RNF144B: variants seen among roughly 807,000 people sequenced by gnomAD.
RNF144B encodes E3 ubiquitin-protein ligase RNF144B.
In RNF144B, 25 loss-of-function variants were observed where a neutral mutation model predicts 40.2. The observed-to-expected ratio is 0.62, with a 90% CI of 0.45 to 0.87. The LOEUF (loss-of-function observed/expected upper bound fraction) is 0.87, where lower values mean the gene tolerates loss of function less well. RNF144B is among the 40% of genes least tolerant of loss of function. The probability of loss-of-function intolerance (pLI) is 0.00; values close to 1 mark genes in which losing one functional copy is unlikely to be tolerated. For missense variants in RNF144B, 365 were observed against 373.7 expected (o/e 0.98, Z 0.19); for synonymous variants, 145 against 136.3 (o/e 1.06, Z -0.44).
chr6:18,432,563 C>G (rs1758717960), intron 3 of RNF144B, among the ~76,000 whole-genome samples: 1 of 152,202 alleles, frequency 6.6e-6, no homozygotes, highest in East Asian at 1.9e-4. Context: ...AGGCGAAGCC[C>G]TTGCTTGAAG....
intron 4 of RNF144B, 110 bp downstream of exon 4, chr6:18,439,854 A>G (rs1758918920): frequency 1.5e-6 from 1 of 668,732 alleles, no homozygotes; most frequent in South Asian, 1.9e-5. Flanking sequence ...CAAAGCCTCA[A>G]GGGTACTCTA....
chr6:18,387,635 G>T lies in RNF144B; in HGVS notation c.-37+5G>T, dbSNP rs1481209797. ...GGAACGCAGGTCTGCTGCCAGGTAG[G>T]TTTAGCGAGCTTTTTAAAGGCTACA... On this transcript the variant is annotated splice_donor_5th_base_variant and intron_variant, in intron 1 of 7. Coordinates refer to ENST00000259939, the MANE Select transcript of RNF144B (RefSeq NM_182757.4). 1.5e-6 allele frequency: 2 copies of T among 1,298,930 alleles called. No homozygotes were observed. Among genetic ancestry groups the T allele is most frequent in the Non-Finnish European group, 2.0e-6 (2 of 994,124 alleles). The allele number at this position is 1,298,930 out of a possible 1,614,324, so 80.5% of individuals were successfully genotyped here. A position where few individuals can be genotyped will look rare whatever the true frequency, so the allele number is the denominator to read the frequency against.
rs1257686541 is a variant in RNF144B, at chr6:18,416,925, A to AT, written c.166-10655dup. Among the ~76,000 whole-genome samples, 1 of 152,206 alleles carries AT rather than the reference A, an allele frequency of 6.6e-6. No individual in the cohort carries two copies. The highest frequency in any genetic ancestry group is 2.4e-5 in the African/African-American group (1 of 41,456). ...TAACAGTTCAGCAAGGTGGCAGAAT[A>AT]TAAGATCAATGTACAGAATCAATTG... On this transcript the variant is annotated intron_variant, in intron 2 of 7. Coordinates refer to ENST00000259939, the MANE Select transcript of RNF144B (RefSeq NM_182757.4). This position sits in a 1 kb window ranked among gnomAD's most constrained non-coding sequence, Gnocchi z 5.5.
In RNF144B at chr6:18,466,793, A is replaced by G. The variant is rs940823529; in HGVS notation, c.*1726A>G. 1 of 152,682 alleles carries G rather than the reference A, an allele frequency of 6.5e-6. No homozygotes were observed. The highest frequency in any genetic ancestry group is 1.5e-5 in the Non-Finnish European group (1 of 68,050). The allele number at this position is 152,682 out of a possible 1,614,324, so 9.5% of individuals were successfully genotyped here. ...TCCTAAGTGGGGATGTGTATATTTC[A>G]GGAACTTTAATTCACAAGTATATAT... On this transcript the variant is annotated 3_prime_UTR_variant, in exon 8 of 8. Transcript: ENST00000259939.
At chr6:18,404,277 G>A (rs1794850418) in intron 2 of RNF144B, among the ~76,000 whole-genome samples, 1 of 152,184 alleles carries the variant, frequency 6.6e-6, no homozygotes, top group Non-Finnish European at 1.5e-5. Flanking sequence ...CTCCCTTGCA[G>A]TATAGCATAG....
chr6:18,439,757 C>CT lies in RNF144B; in HGVS notation c.331+20dup, dbSNP rs1279031272. On this transcript the variant is annotated intron_variant, in intron 4 of 7. Coordinates refer to ENST00000259939, the MANE Select transcript of RNF144B (RefSeq NM_182757.4). ...AAATTTGAAAGAGGTATGAACTCTT[C>CT]TTTTTTTCCTGATGATGAATGTGGT... 8 of 1,559,924 alleles carry CT rather than the reference C, an allele frequency of 5.1e-6. No individual in the cohort carries two copies. Among genetic ancestry groups the CT allele is most frequent in the South Asian group, 1.1e-5 (1 of 89,914 alleles).
At position 18,398,025 on chromosome 6, in the gene RNF144B, T is replaced by G. The variant is rs1022353492; in HGVS notation, c.-36-1474T>G. ...TCGGGAGGTGGAGTCGGGAGGGTCA[T>G]GTCAGTCCAGGAGTTCGAGGCTGCA... On this transcript the variant is annotated intron_variant, in intron 1 of 7. Coordinates refer to ENST00000259939, the MANE Select transcript of RNF144B (RefSeq NM_182757.4). The surrounding 1 kb of genome is among the most constrained non-coding windows in gnomAD (Gnocchi z 5.0). Among the ~76,000 whole-genome samples the G allele has an allele frequency of 1.3e-5, 2 of 151,964 alleles. No individual in the cohort carries two copies. The highest frequency in any genetic ancestry group is 4.8e-5 in the African/African-American group (2 of 41,362).
rs550081317 is a variant in RNF144B, at chr6:18,410,030, C to G, written c.165+10331C>G. Among the ~76,000 whole-genome samples, 7 of 152,060 alleles carry G rather than the reference C, an allele frequency of 4.6e-5. No individual in the cohort carries two copies. Among genetic ancestry groups the G allele is most frequent in the Non-Finnish European group, 1.0e-4 (7 of 68,012 alleles). The stretch of plus-strand genomic sequence containing the variant: ...GATCTGTGCTTGTATGTTGTGTAGA[C>G]TTTTCCCCCCTTAAGCATGCCTTTG... On this transcript the variant is annotated intron_variant, in intron 2 of 7. Transcript: ENST00000259939. This position sits in a 1 kb window ranked among gnomAD's most constrained non-coding sequence, Gnocchi z 4.6.
chr6:18,402,344 G>GA lies in RNF144B; in HGVS notation c.165+2646dup, dbSNP rs1250843821. On this transcript the variant is annotated intron_variant, in intron 2 of 7. Coordinates refer to ENST00000259939, the MANE Select transcript of RNF144B (RefSeq NM_182757.4). Reference sequence around the variant, plus strand: ...ATACTCTGGGTATGCAGAAGGGACAGATGTGGAGTATCTGACTTGACCATT... The same window carrying GA: ...ATACTCTGGGTATGCAGAAGGGACAGAATGTGGAGTATCTGACTTGACCATT... 4.5e-5 allele frequency among the ~76,000 whole-genome samples: 4 copies of GA among 88,166 alleles called. 2 individuals carry two copies. The highest frequency in any genetic ancestry group is 1.1e-4 in the Non-Finnish European group (4 of 37,428). The allele number at this position is 88,166 out of a possible 152,430, so 57.8% of individuals were successfully genotyped here.
rs1758985261 is a variant in RNF144B, at chr6:18,442,444, A to G, written c.331+2700A>G. 6.6e-6 allele frequency among the ~76,000 whole-genome samples: 1 copy of G among 152,226 alleles called. No homozygotes were observed. Among genetic ancestry groups the G allele is most frequent in the South Asian group, 2.1e-4 (1 of 4,834 alleles). ...TTATTCTTATTTTATAGATGAAGAA[A>G]CTGAAAACAGGACAGATTGAGACTT... On this transcript the variant is annotated intron_variant, in intron 4 of 7. Coordinates refer to ENST00000259939, the MANE Select transcript of RNF144B (RefSeq NM_182757.4). This position sits in a 1 kb window ranked among gnomAD's most constrained non-coding sequence, Gnocchi z 4.3.
rs1353646545 is a variant in RNF144B at position 18,450,755 on chromosome 6, T to G, written c.332-6400T>G. Among the ~76,000 whole-genome samples, 1 of 152,232 alleles carries G rather than the reference T, an allele frequency of 6.6e-6. No individual in the cohort carries two copies. Among genetic ancestry groups the G allele is most frequent in the African/African-American group, 2.4e-5 (1 of 41,468 alleles). ...GTGAATGCCCTTGTTCAGTGTTTTC[T>G]TTAAGGACAGAATCTTAATTCTAAT... On this transcript the variant is annotated intron_variant, in intron 4 of 7. Transcript: ENST00000259939. This position sits in a 1 kb window ranked among gnomAD's most constrained non-coding sequence, Gnocchi z 4.7.
rs1794742586 is a variant in RNF144B at position 18,398,945 on chromosome 6, A to G, written c.-36-554A>G. ...CCTAAATATGTTTGCTCATAGTGAT[A>G]TTTCCCGCCCCTGACCTTCATTAAG... On this transcript the variant is annotated intron_variant, in intron 1 of 7. Transcript: ENST00000259939. The surrounding 1 kb of genome is among the most constrained non-coding windows in gnomAD (Gnocchi z 5.0). Among the ~76,000 whole-genome samples, 1 of 152,166 alleles carries G rather than the reference A, an allele frequency of 6.6e-6. No homozygotes were observed. Among genetic ancestry groups the G allele is most frequent in the Admixed American group, 6.5e-5 (1 of 15,282 alleles).
At chr6:18,421,273 T>TACAC (rs1170609706) in intron 2 of RNF144B, among the ~76,000 whole-genome samples, 1,660 of 102,072 alleles carry the variant, frequency 0.016, 16 homozygotes, top group East Asian at 0.023. Context: ...TTATATATTA[T>TACAC]ACACACACAC....
In RNF144B at chr6:18,466,307, G is replaced by A. The variant is rs1281221604; in HGVS notation, c.*1240G>A. On this transcript the variant is annotated 3_prime_UTR_variant, in exon 8 of 8. Transcript: ENST00000259939. ...ATAACCGAGTCATTTACATGTTTTC[G>A]AACACAGAATAGCTCTTTTCTCAGC... 2 of 152,118 alleles carry A rather than the reference G, an allele frequency of 1.3e-5. No homozygotes were observed. The highest frequency in any genetic ancestry group is 6.5e-5 in the Admixed American group (1 of 15,276). The allele number at this position is 152,118 out of a possible 1,614,324, so 9.4% of individuals were successfully genotyped here.
chr6:18,416,859 G>A lies in RNF144B; in HGVS notation c.166-10722G>A, dbSNP rs1403055294. ...TACTGAACTAGTGGTGCTTAGACTT[G>A]GTTGCAAATGGGAATCACTTCAAGA... On this transcript the variant is annotated intron_variant, in intron 2 of 7. Transcript: ENST00000259939. This position sits in a 1 kb window ranked among gnomAD's most constrained non-coding sequence, Gnocchi z 5.5. Among the ~76,000 whole-genome samples the A allele has an allele frequency of 6.6e-6, 1 of 152,022 alleles. No homozygotes were observed. Among genetic ancestry groups the A allele is most frequent in the Admixed American group, 6.6e-5 (1 of 15,242 alleles).
chr6:18,415,614 G>A (rs927728386), intron 2 of RNF144B, among the ~76,000 whole-genome samples: 6 of 152,172 alleles, frequency 3.9e-5, no homozygotes, highest in East Asian at 1.9e-4. Context: ...AAATCATAGC[G>A]GATTCTAACA....
rs1758590798 is a variant in RNF144B at position 18,427,672 on chromosome 6, T to C, written c.257T>C (p.Leu86Pro). The C allele has an allele frequency of 6.2e-7, 1 of 1,608,622 alleles. No homozygotes were observed. The highest frequency in any genetic ancestry group is 1.7e-5 in the Admixed American group (1 of 59,912). The change falls in exon 3 of 8, where the codon CTG (leucine) becomes CCG (proline). Residue 86 changes from leucine to proline, a missense_variant. Leu to Pro is a moderately conservative substitution (Grantham distance 98). Transcript: ENST00000259939. ...ATGGTGTGCCTAAACCACGGGACCC[T>C]GCAGGAAGCTGAGGTATGAATGACT... is the stretch of plus-strand genomic sequence containing the variant. ...PDMVCLNHGT[L>P]QEAEIACLVP...
Position 18,450,861 on chromosome 6 carries a change from G to C in RNF144B, c.332-6294G>C, listed in dbSNP as rs1429054952. ...GCTACCTCAGGGATTTTTTAAAAAAGATCTGTTGATATGGTGCTTTATCTC... is the reference window on the plus strand; with the variant it reads ...GCTACCTCAGGGATTTTTTAAAAAACATCTGTTGATATGGTGCTTTATCTC... On this transcript the variant is annotated intron_variant, in intron 4 of 7. Coordinates refer to ENST00000259939, the MANE Select transcript of RNF144B (RefSeq NM_182757.4). The surrounding 1 kb of genome is among the most constrained non-coding windows in gnomAD (Gnocchi z 4.7). Among the ~76,000 whole-genome samples the C allele has an allele frequency of 6.6e-6, 1 of 152,146 alleles. No individual in the cohort carries two copies. Among genetic ancestry groups the C allele is most frequent in the African/African-American group, 2.4e-5 (1 of 41,448 alleles).
intron 1 of RNF144B, among the ~76,000 whole-genome samples, chr6:18,388,003 ACT>A (rs1794498007): frequency 1.3e-5 from 2 of 152,158 alleles, no homozygotes; most frequent in Admixed American, 6.5e-5. Flanking sequence ...AAACAGTGAA[ACT>A]CTGATACTAC....
Sources: gnomAD v4.1 joint callset for allele counts (sites outside exome capture counted in the v4.1 genomes callset) on GRCh38, gnomAD v4.1.1 for gene constraint, Gnocchi (gnomAD v3.1) non-coding constraint, MANE v1.5 for transcripts, NCBI Gene and HGNC (gene_info 2026-07-23, HGNC 2026-07-21) for gene names.